The following CHFR variants were observed in gnomAD, a reference collection of about 807,000 sequenced individuals.
The protein encoded by CHFR is E3 ubiquitin-protein ligase CHFR.
A neutral mutation model predicts 87.6 loss-of-function variants in CHFR; 57 were observed. The observed-to-expected ratio is 0.65, with a 90% confidence interval of 0.53 to 0.81. The LOEUF (loss-of-function observed/expected upper bound fraction) is 0.81, where lower values mean the gene tolerates loss of function less well. CHFR is among the 30% of genes least tolerant of loss of function. The pLI is 0.00. For synonymous variants in CHFR, 381 were observed against 359.2 expected, an observed-to-expected ratio of 1.06 and a Z score of -0.69; for missense variants, 797 against 865.8, an observed-to-expected ratio of 0.92 and a Z score of 1.00.
intron 6 of CHFR, chr12:132,867,377 CAGAG>C (rs1951368843): frequency 6.6e-6 from 1 of 152,216 alleles, no homozygotes; most frequent in Non-Finnish European, 1.5e-5. Flanking sequence ...GCTCATGAGA[CAGAG>C]GGAGCAGTCT....
intron 16 of CHFR, among the ~76,000 whole-genome samples, chr12:132,843,420 T>C (rs1435079828): frequency 2.0e-5 from 3 of 151,638 alleles, no homozygotes; most frequent in East Asian, 2.0e-4. Flanking sequence ...AGTCAGACTC[T>C]GTCTCAAAAA....
At position 132,856,648 on chromosome 12, in the gene CHFR, C is replaced by G; in HGVS notation, c.1067-18G>C. The stretch of plus-strand genomic sequence containing the variant: ...ACTCTTGTCTAGAATTGAAAGGACA[C>G]AGCGCCATTCACCGGCAGTGAGACA... On this transcript the variant is annotated intron_variant, in intron 9 of 17. Transcript: ENST00000450056. The G allele has an allele frequency of 6.2e-7, 1 of 1,612,906 alleles. No homozygotes were observed. The highest frequency in any genetic ancestry group is 8.5e-7 in the Non-Finnish European group (1 of 1,179,502).
At chr12:132,847,959 T>C in intron 14 of CHFR, 126 bp downstream of exon 14, 1 of 1,527,654 alleles carries the variant, frequency 6.5e-7, no homozygotes, top group East Asian at 2.4e-5. Flanking sequence ...GAAACATGGC[T>C]CCCGGCTCCC....
At chr12:132,852,447 G>A (rs903937733) in intron 11 of CHFR, among the ~76,000 whole-genome samples, 1 of 17,532 alleles carries the variant, frequency 5.7e-5, no homozygotes, top group Non-Finnish European at 2.1e-4. Flanking sequence ...AAGACCAATC[G>A]ATGTGGCAGC....
chr12:132,884,511 A>C, intron 2 of CHFR, among the ~76,000 whole-genome samples: 1 of 152,088 alleles, frequency 6.6e-6, no homozygotes, highest in East Asian at 1.9e-4. Context: ...GAGTGTCTGT[A>C]CCCCCCTAAA....
Position 132,840,730 on chromosome 12 carries a change from G to T in CHFR, c.*824C>A, listed in dbSNP as rs1485012640. 3 of 152,710 alleles carry T rather than the reference G, an allele frequency of 2.0e-5. No homozygotes were observed. The highest frequency in any genetic ancestry group is 6.5e-5 in the Admixed American group (1 of 15,278). The allele number at this position is 152,710 out of a possible 1,614,324, so 9.5% of individuals were successfully genotyped here. A position where few individuals can be genotyped will look rare whatever the true frequency, so the allele number is the denominator to read the frequency against. On this transcript the variant is annotated 3_prime_UTR_variant, in exon 18 of 18. Coordinates refer to ENST00000450056, the MANE Select transcript of CHFR (RefSeq NM_001161346.2). ...TGGGGCCGTGGTCACTCACACAAGG[G>T]AGCAGCACGTCCTGGGACCTGCGTC...
intron 2 of CHFR, among the ~76,000 whole-genome samples, chr12:132,884,584 AT>A (rs1177630336): frequency 3.3e-5 from 5 of 152,138 alleles, no homozygotes; most frequent in Non-Finnish European, 4.4e-5. Context: ...CTGTGAGCTG[AT>A]AAATGTTAAA....
At chr12:132,873,127 C>T (rs1257915546) in intron 3 of CHFR, among the ~76,000 whole-genome samples, 2 of 152,172 alleles carry the variant, frequency 1.3e-5, no homozygotes, top group African/African-American at 4.8e-5. Flanking sequence ...CGACTGAAAC[C>T]ACACAGGCCT....
chr12:132,861,787 A>C, intron 6 of CHFR, 153 bp from the exon 7 acceptor site: 2 of 642,192 alleles, frequency 3.1e-6, no homozygotes, highest in Non-Finnish European at 5.4e-6. Flanking sequence ...GTGTGTGCTC[A>C]CTCAACTCAC....
chr12:132,876,033 G>A (rs1044506471), intron 3 of CHFR, among the ~76,000 whole-genome samples: 7 of 151,954 alleles, frequency 4.6e-5, no homozygotes, highest in African/African-American at 9.7e-5. Flanking sequence ...AAAAATAGCC[G>A]GGCTTGGTAG....
At chr12:132,877,010 G>A (rs1345720612) in intron 3 of CHFR, among the ~76,000 whole-genome samples, 3 of 152,076 alleles carry the variant, frequency 2.0e-5, no homozygotes, top group Non-Finnish European at 1.5e-5. Flanking sequence ...GGCCAGGCTG[G>A]GCTTGAGCTC....
At chr12:132,881,353 T>C (rs1044679028) in intron 2 of CHFR, among the ~76,000 whole-genome samples, 10 of 152,032 alleles carry the variant, frequency 6.6e-5, no homozygotes, top group African/African-American at 1.5e-4. Flanking sequence ...GTAAAACACA[T>C]ATCTGACAAA....
chr12:132,874,188 A>G (rs1951561400), intron 3 of CHFR, among the ~76,000 whole-genome samples: 1 of 152,254 alleles, frequency 6.6e-6, no homozygotes, highest in Admixed American at 6.5e-5. Context: ...AAGACAGCAA[A>G]TTTGTGTTTT....
Position 132,848,057 on chromosome 12 carries a change from G to A in CHFR, c.1647+28C>T, listed in dbSNP as rs376724917. ...GCACTAGGGAGAAAATGTGGCTCCC[G>A]GCTCCCCAGCCCGCAGCGAGTCGGT... On this transcript the variant is annotated intron_variant, in intron 14 of 17. Transcript: ENST00000450056. 16 of 1,613,506 alleles carry A rather than the reference G, an allele frequency of 9.9e-6. No individual in the cohort carries two copies. The Admixed American group carries it at 1.5e-4, about 15-fold the overall frequency.
intron 11 of CHFR, 109 bp from the exon 12 acceptor site, chr12:132,851,846 C>T (rs542665576): frequency 7.4e-6 from 10 of 1,356,674 alleles, no homozygotes; most frequent in African/African-American, 4.4e-5. Flanking sequence ...CTGAGACAGC[C>T]GGGGAAGAAG....
intron 17 of CHFR, 82 bp from the exon 18 acceptor site, chr12:132,841,678 G>A: frequency 1.7e-6 from 2 of 1,155,636 alleles, no homozygotes; most frequent in Non-Finnish European, 2.6e-6. Context: ...CATCAGAAAG[G>A]CATTCAAATA....
At position 132,861,620 on chromosome 12, in the gene CHFR, C is replaced by T. The variant is rs761034338; in HGVS notation, c.598G>A (p.Gly200Ser). 2 of 1,614,022 alleles carry T rather than the reference C, an allele frequency of 1.2e-6. No homozygotes were observed. Among genetic ancestry groups the T allele is most frequent in the Non-Finnish European group, 1.7e-6 (2 of 1,180,034 alleles). The stretch of plus-strand genomic sequence containing the variant: ...GGACCACTTCCTTTAGGGGAGATGC[C>T]ACCACCCCCAGACCCTGTGAGAGGA... ...RSSSCGSGGGGISPKGSGPSV... is the reference protein window; with the variant it reads ...RSSSCGSGGGSISPKGSGPSV... The change falls in exon 7 of 18, where the codon GGC becomes AGC. Residue 200 changes from glycine (G) to serine (S), a missense_variant. Gly to Ser is a moderately conservative substitution (Grantham distance 56). Around this residue, in one of 2 missense-constraint regions of CHFR, gnomAD observed 597 missense variants for 601.2 expected, o/e 0.99. Coordinates refer to ENST00000450056, the MANE Select transcript of CHFR (RefSeq NM_001161346.2).
chr12:132,884,415 C>CAA (rs141613946), intron 2 of CHFR, among the ~76,000 whole-genome samples: 43 of 141,878 alleles, frequency 3.0e-4, no homozygotes, highest in Middle Eastern at 3.7e-3. Flanking sequence ...AACTCCGTCT[C>CAA]AAAAAAAAAA....
At chr12:132,858,221 G>A (rs980941914) in intron 8 of CHFR, among the ~76,000 whole-genome samples, 1 of 152,090 alleles carries the variant, frequency 6.6e-6, no homozygotes, top group Admixed American at 6.6e-5. Flanking sequence ...TTAGCCAGAT[G>A]TGGTGACGCA....
Sources: gnomAD v4.1 joint callset for allele counts (sites outside exome capture counted in the v4.1 genomes callset) on GRCh38, gnomAD v4.1.1 for gene constraint, gnomAD v4.1.1 regional missense constraint, MANE v1.5 for transcripts, NCBI Gene and HGNC (gene_info 2026-07-23, HGNC 2026-07-21) for gene names.